Variants in CNTNAP2 observed in about 807,000 individuals in gnomAD.
The protein encoded by CNTNAP2 is contactin-associated protein-like 2.
CNTNAP2 carries 98 observed loss-of-function variants against 155.2 expected under a neutral mutation model. The observed-to-expected ratio is 0.63, with a 90% CI of 0.54 to 0.75. The LOEUF (loss-of-function observed/expected upper bound fraction) is 0.75, where lower values mean the gene tolerates loss of function less well. Among genes scored for constraint, CNTNAP2 ranks in the 30% least tolerant of loss-of-function variants. The pLI, the probability that CNTNAP2 is intolerant of heterozygous loss-of-function variation, is 0.00. For missense variants in CNTNAP2, 1,727 were observed against 1,688.1 expected (o/e 1.02, Z -0.40); for synonymous variants, 651 against 631.2 (o/e 1.03, Z -0.47).
intron 11 of CNTNAP2, among the ~76,000 whole-genome samples, chr7:147,506,416 C>T (rs897132283): frequency 1.1e-4 from 16 of 152,012 alleles, no homozygotes; most frequent in Admixed American, 2.6e-4. Flanking sequence ...CCACCATGCC[C>T]GGCTAATTTT....
Position 147,392,057 on chromosome 7 carries a change from T to G in CNTNAP2, c.1499-3552T>G, listed in dbSNP as rs180775694. The stretch of plus-strand genomic sequence containing the variant: ...AAATGTCCTTAGCTAGATTATACAA[T>G]TTCATTTAACTGTATCTTTTTCTTT... On this transcript the variant is annotated intron_variant, in intron 9 of 23. Transcript: ENST00000361727. 3.1e-3 allele frequency among the ~76,000 whole-genome samples: 478 copies of G among 152,264 alleles called. 1 individual carries two copies. The highest frequency in any genetic ancestry group is 5.6e-3 in the Non-Finnish European group (381 of 68,012).
chr7:148,255,935 T>C (rs1228462800), intron 20 of CNTNAP2, among the ~76,000 whole-genome samples: 1 of 152,186 alleles, frequency 6.6e-6, no homozygotes, highest in Non-Finnish European at 1.5e-5. Flanking sequence ...AGACGATCAC[T>C]ACCTCTCCCT....
At chr7:147,404,088 G>C (rs545726971) in intron 10 of CNTNAP2, among the ~76,000 whole-genome samples, 1 of 151,966 alleles carries the variant, frequency 6.6e-6, no homozygotes, top group East Asian at 1.9e-4. Flanking sequence ...ATTTCATTAC[G>C]CATACTGTAG....
intron 1 of CNTNAP2, among the ~76,000 whole-genome samples, chr7:146,404,027 A>AG (rs1795751629): frequency 6.8e-6 from 1 of 146,028 alleles, no homozygotes; most frequent in Admixed American, 7.1e-5. Flanking sequence ...TGGGAGGCTG[A>AG]GGCAGGAGAA....
chr7:146,341,639 TA>T (rs1430915184), intron 1 of CNTNAP2, among the ~76,000 whole-genome samples: 3 of 152,180 alleles, frequency 2.0e-5, no homozygotes, highest in African/African-American at 7.2e-5. Context: ...ATTTTAATGA[TA>T]AATCTGCTTT....
intron 1 of CNTNAP2, among the ~76,000 whole-genome samples, chr7:146,473,308 A>C (rs1034819713): frequency 6.6e-6 from 1 of 152,172 alleles, no homozygotes; most frequent in African/African-American, 2.4e-5. Flanking sequence ...GGCATGTCTC[A>C]TTAGGTGATG....
chr7:146,723,673 C>T (rs1801378640), intron 1 of CNTNAP2, among the ~76,000 whole-genome samples: 1 of 152,138 alleles, frequency 6.6e-6, no homozygotes, highest in African/African-American at 2.4e-5. Context: ...GCTAAATGGT[C>T]AATGCAGTTC....
chr7:148,010,627 C>T (rs1219728096), intron 15 of CNTNAP2, among the ~76,000 whole-genome samples: 1 of 150,980 alleles, frequency 6.6e-6, no homozygotes, highest in East Asian at 1.9e-4. Flanking sequence ...TCTTTCTCCA[C>T]TGAACTGTAA....
intron 3 of CNTNAP2, among the ~76,000 whole-genome samples, chr7:146,959,154 G>T (rs1194805472): frequency 6.6e-6 from 1 of 151,880 alleles, no homozygotes; most frequent in Non-Finnish European, 1.5e-5. Context: ...CGAGTAACTG[G>T]GACTACAGGC....
intron 1 of CNTNAP2, among the ~76,000 whole-genome samples, chr7:146,291,531 A>AT (rs1241909609): frequency 2.0e-5 from 3 of 152,058 alleles, no homozygotes; most frequent in African/African-American, 7.2e-5. Flanking sequence ...AGCCTAAAAT[A>AT]TTTGCTACTT....
At chr7:148,139,756 G>A (rs1210075608) in intron 16 of CNTNAP2, among the ~76,000 whole-genome samples, 1 of 152,026 alleles carries the variant, frequency 6.6e-6, no homozygotes, top group Admixed American at 6.6e-5. Context: ...GGCCAGGCTG[G>A]TCTCAAACTC....
chr7:146,911,361 G>A (rs547801189), intron 3 of CNTNAP2, among the ~76,000 whole-genome samples: 1 of 152,172 alleles, frequency 6.6e-6, no homozygotes, highest in East Asian at 1.9e-4. Context: ...GCACACGTAT[G>A]TTTATCGCGG....
intron 1 of CNTNAP2, among the ~76,000 whole-genome samples, chr7:146,187,707 T>G (rs1252290967): frequency 1.3e-5 from 2 of 151,970 alleles, no homozygotes; most frequent in Non-Finnish European, 2.9e-5. Context: ...CTCTGAAAAC[T>G]TACTAAGGGC....
intron 1 of CNTNAP2, among the ~76,000 whole-genome samples, chr7:146,638,425 C>A (rs1019263744): frequency 2.2e-4 from 33 of 147,604 alleles, no homozygotes; most frequent in Admixed American, 7.5e-4. Context: ...ATATGCAGAT[C>A]TTCATGGATC....
chr7:148,149,518 C>A (rs1318092617), intron 17 of CNTNAP2, among the ~76,000 whole-genome samples: 1 of 152,058 alleles, frequency 6.6e-6, no homozygotes, highest in African/African-American at 2.4e-5. Context: ...TAATATCAAG[C>A]ACCATGAGTA....
At chr7:146,884,849 C>T (rs1267028388) in intron 3 of CNTNAP2, among the ~76,000 whole-genome samples, 5 of 152,136 alleles carry the variant, frequency 3.3e-5, no homozygotes, top group African/African-American at 9.7e-5. Context: ...TAATTATTAT[C>T]ATTCTAAAAA....
intron 21 of CNTNAP2, among the ~76,000 whole-genome samples, chr7:148,314,417 G>A (rs1356506476): frequency 1.3e-5 from 2 of 152,194 alleles, no homozygotes; most frequent in Non-Finnish European, 2.9e-5. Context: ...CTGGGGTCAA[G>A]CGGCATTGCA....
intron 4 of CNTNAP2, among the ~76,000 whole-genome samples, chr7:147,072,423 C>T (rs1799910973): frequency 6.6e-6 from 1 of 152,146 alleles, no homozygotes; most frequent in African/African-American, 2.4e-5. Flanking sequence ...GGAAGCATAT[C>T]ATGATCATGT....
At chr7:146,341,596 C>T (rs1794728401) in intron 1 of CNTNAP2, among the ~76,000 whole-genome samples, 1 of 152,014 alleles carries the variant, frequency 6.6e-6, no homozygotes, top group South Asian at 2.1e-4. Flanking sequence ...AGTAATAATG[C>T]TTACTTATTG....
Sources: gnomAD v4.1 joint callset for allele counts (sites outside exome capture counted in the v4.1 genomes callset) on GRCh38, gnomAD v4.1.1 for gene constraint, MANE v1.5 for transcripts, NCBI Gene and HGNC (gene_info 2026-07-23, HGNC 2026-07-21) for gene names.